MIA2: variants seen among roughly 807,000 people sequenced by gnomAD.
MIA2 encodes MIA SH3 domain ER export factor 2, also known as melanoma inhibitory activity protein 2.
Under a neutral mutation model 167.8 loss-of-function variants are expected in MIA2, and 127 were observed. That is an observed-to-expected ratio of 0.76 (90% CI 0.66 to 0.88). The LOEUF (loss-of-function observed/expected upper bound fraction) is 0.88. Ranked by LOEUF, MIA2 falls within the 40% of genes least tolerant of loss-of-function variation. The probability of loss-of-function intolerance (pLI) is 0.00; values close to 1 mark genes in which losing one functional copy is unlikely to be tolerated. For missense variants in MIA2, 1,690 were observed against 1,624.7 expected, an observed-to-expected ratio of 1.04 and a Z score of -0.69; for synonymous variants, 552 against 541.9, an observed-to-expected ratio of 1.02 and a Z score of -0.26.
At chr14:39,277,770 A>G (rs868515587) in intron 7 of MIA2, among the ~76,000 whole-genome samples, 19 of 38,812 alleles carry the variant, frequency 4.9e-4, no homozygotes, top group Admixed American at 1.3e-3. Flanking sequence ...ATATATATAT[A>G]TATATATATA....
chr14:39,302,377 ACTGT>A, intron 15 of MIA2, 128 bp downstream of exon 15: 1 of 1,065,794 alleles, frequency 9.4e-7, no homozygotes, highest in Non-Finnish European at 1.4e-6. Context: ...TCTGTGACAC[ACTGT>A]CCTTTCTCAC....
chr14:39,287,249 A>G (rs1216211883), intron 9 of MIA2, among the ~76,000 whole-genome samples: 3 of 150,394 alleles, frequency 2.0e-5, no homozygotes, highest in Non-Finnish European at 3.0e-5. Flanking sequence ...AATTTTTTGT[A>G]TTTTTTTTGT....
rs10162564 is a variant in MIA2 at position 39,299,939 on chromosome 14, A to G, written c.2572A>G (p.Lys858Glu). 2.7e-3 allele frequency: 4,397 copies of G among 1,610,416 alleles called. 110 individuals carry two copies. In the African/African-American group the frequency reaches 0.049, roughly 18 times the overall value. The change falls in exon 14 of 29, where the codon AAA becomes GAA. Residue 858 changes from lysine (K) to glutamate (E), a missense_variant. Physicochemically the swap from Lys to Glu is moderately conservative, Grantham distance 56. Coordinates refer to ENST00000640607, the MANE Select transcript of MIA2 (RefSeq NM_001329214.4). ...ACAGAAAGTAACATTTGAAGACTCC[A>G]AAGTACATGCAGAACAAGTTCTAAA... ...NKQKVTFEDS[K>E]VHAEQVLNDK...
intron 13 of MIA2, among the ~76,000 whole-genome samples, chr14:39,297,276 G>C (rs939348911): frequency 6.6e-6 from 1 of 151,842 alleles, no homozygotes; most frequent in Non-Finnish European, 1.5e-5. Flanking sequence ...GTTTTTAGTA[G>C]AGATGGGGTT....
chr14:39,348,839 T>A lies in MIA2; in HGVS notation c.3934T>A (p.Phe1312Ile), dbSNP rs2073947297. ...PPLAPIRGPLFPVDARGPFLR... is the reference protein window; with the variant it reads ...PPLAPIRGPLIPVDARGPFLR... ...TCTTGCTCCAATCAGAGGTCCATTGTTTCCAGTGGATGCAAGAGGCCCATT... is the reference window on the plus strand; with the variant it reads ...TCTTGCTCCAATCAGAGGTCCATTGATTCCAGTGGATGCAAGAGGCCCATT... The change falls in exon 28 of 29, where the codon TTT (phenylalanine) becomes ATT (isoleucine). Residue 1312 changes from phenylalanine (F) to isoleucine (I), a missense_variant. Physicochemically the swap from Phe to Ile is conservative, Grantham distance 21 (BLOSUM62 0). Transcript: ENST00000640607. 6.2e-7 allele frequency: 1 copy of A among 1,614,080 alleles called. No individual in the cohort carries two copies. Among genetic ancestry groups the A allele is most frequent in the African/African-American group, 1.3e-5 (1 of 75,056 alleles).
chr14:39,325,724 T>G (rs1419837361), intron 24 of MIA2, among the ~76,000 whole-genome samples: 2 of 150,288 alleles, frequency 1.3e-5, no homozygotes, highest in African/African-American at 2.5e-5. Context: ...TGTTTTTTGT[T>G]TTTTTTTGAG....
Position 39,348,726 on chromosome 14 carries a change from A to G in MIA2, c.3838-17A>G, listed in dbSNP as rs904465263. The G allele has an allele frequency of 1.9e-6, 3 of 1,612,770 alleles. No homozygotes were observed. Among genetic ancestry groups the G allele is most frequent in the Non-Finnish European group, 1.7e-6 (2 of 1,178,812 alleles). On this transcript the variant is annotated splice_polypyrimidine_tract_variant and intron_variant, in intron 27 of 28. Transcript: ENST00000640607. ...AATTTACTGTTTTAGTGACTGCCAT[A>G]TGTCAATTTGTTGTAGAATTTAAAT... is the stretch of plus-strand genomic sequence containing the variant.
At position 39,240,599 on chromosome 14, in the gene MIA2, C is replaced by A. The variant is rs750804121; in HGVS notation, c.288C>A (p.Val96=). 6.2e-7 allele frequency: 1 copy of A among 1,613,146 alleles called. No individual in the cohort carries two copies. The highest frequency in any genetic ancestry group is 8.5e-7 in the Non-Finnish European group (1 of 1,179,364). ...KEFGYFPRDA[V]QIEEVFISEE... is the part of the protein sequence containing the mutation. ...TTGGATATTTTCCCAGAGATGCAGT[C>A]CAGATTGAAGAGGTGTTCATATCTG... The change falls in exon 3 of 29, where the codon GTC becomes GTA. Residue 96 remains valine (V), a synonymous_variant. Coordinates refer to ENST00000640607, the MANE Select transcript of MIA2 (RefSeq NM_001329214.4).
chr14:39,366,834 T>C (rs1475291784), intron 23 of MIA2, among the ~76,000 whole-genome samples: 1 of 152,130 alleles, frequency 6.6e-6, no homozygotes, highest in Non-Finnish European at 1.5e-5. Flanking sequence ...GGGGTTGCTG[T>C]CAGTGCTCAC....
At chr14:39,362,181 A>G (rs2074696918) in intron 23 of MIA2, among the ~76,000 whole-genome samples, 1 of 152,170 alleles carries the variant, frequency 6.6e-6, no homozygotes, top group Non-Finnish European at 1.5e-5. Context: ...TGGTTTTGGT[A>G]TCAGAATAAT....
At chr14:39,290,608 T>G (rs2060602354) in intron 9 of MIA2, among the ~76,000 whole-genome samples, 1 of 152,258 alleles carries the variant, frequency 6.6e-6, no homozygotes, top group Non-Finnish European at 1.5e-5. Flanking sequence ...ATGAATAGGC[T>G]TAAAGAAGAG....
At chr14:39,289,760 G>C (rs1050472931) in intron 9 of MIA2, among the ~76,000 whole-genome samples, 8 of 152,202 alleles carry the variant, frequency 5.3e-5, no homozygotes, top group African/African-American at 1.9e-4. Context: ...TGGGATTACA[G>C]ACATGAGCTA....
chr14:39,385,494 T>C, intron 23 of MIA2: 1 of 897,246 alleles, frequency 1.1e-6, no homozygotes, highest in Admixed American at 1.7e-5. Context: ...TGCTCTCCTG[T>C]GTCACAGCGT....
intron 6 of MIA2, among the ~76,000 whole-genome samples, chr14:39,255,055 A>G (rs1249118801): frequency 3.9e-5 from 6 of 152,292 alleles, no homozygotes; most frequent in African/African-American, 1.2e-4. Context: ...ACTGGGCTTA[A>G]TAGCATACAT....
chr14:39,269,623 G>A lies in MIA2; in HGVS notation c.1888-7311G>A, dbSNP rs569612389. Among the ~76,000 whole-genome samples the A allele has an allele frequency of 1.3e-4, 19 of 151,656 alleles. No homozygotes were observed. The East Asian group carries it at 2.9e-3, about 23-fold the overall frequency. On this transcript the variant is annotated intron_variant, in intron 6 of 28. Transcript: ENST00000640607. ...CAGCTTAGACCTCTCTGGCTCAGGT[G>A]ATCCTCCCACCTCAGCCTCCTGAAT...
chr14:39,267,262 G>C, intron 6 of MIA2: 1 of 1,419,662 alleles, frequency 7.0e-7, no homozygotes, highest in Non-Finnish European at 9.2e-7. Flanking sequence ...CAAGAGGGTC[G>C]GGATGGGCAG....
intron 25 of MIA2, among the ~76,000 whole-genome samples, chr14:39,331,471 G>A (rs2068858153): frequency 6.6e-6 from 1 of 152,114 alleles, no homozygotes; most frequent in African/African-American, 2.4e-5. Context: ...GGTTAATATT[G>A]TTATGTGTGA....
chr14:39,299,238 C>A (rs1424656414), intron 13 of MIA2, among the ~76,000 whole-genome samples: 1 of 150,016 alleles, frequency 6.7e-6, no homozygotes, highest in Non-Finnish European at 1.5e-5. Flanking sequence ...GCTTTCCTTT[C>A]CTGTAAAAGT....
At chr14:39,364,998 T>C (rs2074786983) in intron 23 of MIA2, among the ~76,000 whole-genome samples, 1 of 152,156 alleles carries the variant, frequency 6.6e-6, no homozygotes, top group Non-Finnish European at 1.5e-5. Flanking sequence ...TCTCTTGTTA[T>C]ATGTGAGAAC....
Sources: allele counts gnomAD v4.1 joint callset (sites outside exome capture counted in the v4.1 genomes callset), GRCh38; gene constraint gnomAD v4.1.1; transcripts MANE v1.5; gene names NCBI Gene and HGNC (gene_info 2026-07-23, HGNC 2026-07-21).